The following WDR19 variants were observed in gnomAD, a reference collection of about 807,000 sequenced individuals.
WDR19 encodes the protein WD repeat domain 19, also known as WD repeat-containing protein 19.
Under a neutral mutation model 180.0 loss-of-function variants are expected in WDR19, and 121 were observed. That is an observed-to-expected ratio of 0.67 (90% CI 0.58 to 0.78). The LOEUF is 0.78. Among genes scored for constraint, WDR19 ranks in the 30% least tolerant of loss-of-function variants. The probability of loss-of-function intolerance (pLI) is 0.00; values close to 1 mark genes in which losing one functional copy is unlikely to be tolerated. For missense variants in WDR19, 1,450 were observed against 1,640.7 expected, an observed-to-expected ratio of 0.88 and a Z score of 2.01; for synonymous variants, 497 against 540.7, an observed-to-expected ratio of 0.92 and a Z score of 1.12.
chr4:39,284,862 T>C (rs771730155), intron 36 of WDR19, among the ~76,000 whole-genome samples: 15 of 152,122 alleles, frequency 9.9e-5, no homozygotes, highest in East Asian at 5.8e-4. Context: ...TATGTCTTCA[T>C]TGAGTTATGA....
intron 21 of WDR19, among the ~76,000 whole-genome samples, chr4:39,241,493 C>CAAAAA (rs36076556): frequency 0.039 from 4,649 of 119,262 alleles, 171 homozygotes; most frequent in Middle Eastern, 0.059. Context: ...GACTATATCT[C>CAAAAA]AAAAAAAAAA....
At chr4:39,267,360 G>A (rs1734919910) in intron 29 of WDR19, among the ~76,000 whole-genome samples, 1 of 152,174 alleles carries the variant, frequency 6.6e-6, no homozygotes, top group Non-Finnish European at 1.5e-5. Context: ...TACAGATAAA[G>A]CCACAGAGAC....
At chr4:39,234,906 G>C in intron 20 of WDR19, 31 bp downstream of exon 20, 1 of 1,341,456 alleles carries the variant, frequency 7.5e-7, no homozygotes, top group Non-Finnish European at 1.0e-6. Context: ...ATTTCAGTCA[G>C]TAGCTAATGA....
rs771802300 is a variant in WDR19 at position 39,253,918 on chromosome 4, G to A, written c.2889G>A (p.Gln963=). Residue 963 remains glutamine, a synonymous_variant, in exon 26 of 37, where the codon CAG becomes CAA. Transcript: ENST00000399820. The part of the protein sequence containing the change: ...GAKMVARFFL[Q]LGDYGSAIQF... ...TACTTTGCTTTAGGTTTTTTCTACA[G>A]CTTGGTGACTATGGGTCTGCCATCC... is the stretch of plus-strand genomic sequence containing the variant. The A allele has an allele frequency of 6.2e-7, 1 of 1,602,356 alleles. No homozygotes were observed. The highest frequency in any genetic ancestry group is 8.5e-7 in the Non-Finnish European group (1 of 1,173,588).
Position 39,244,536 on chromosome 4 carries a change from A to C in WDR19, c.2629A>C (p.Ile877Leu), listed in dbSNP as rs2109406828. ...LYYDKAASVY[I>L]RSKNWAKVGD... The stretch of plus-strand genomic sequence containing the variant: ...CTACGATAAAGCAGCATCTGTTTAC[A>C]TCCGCTCTAAGAATTGGTAAGAGCT... Residue 877 changes from isoleucine (I) to leucine (L), a missense_variant, in exon 23 of 37, where the codon ATC becomes CTC. Physicochemically the swap from Ile to Leu is conservative, Grantham distance 5 (BLOSUM62 2). Transcript: ENST00000399820. 8 of 1,614,042 alleles carry C rather than the reference A, an allele frequency of 5.0e-6. No homozygotes were observed. Among genetic ancestry groups the C allele is most frequent in the Non-Finnish European group, 6.8e-6 (8 of 1,179,882 alleles).
chr4:39,232,331 A>T (rs73136739), intron 19 of WDR19, 59 bp downstream of exon 19: 3 of 1,260,056 alleles, frequency 2.4e-6, no homozygotes, highest in South Asian at 1.5e-5. Flanking sequence ...GAAATGGGGG[A>T]AAAAAAAATG....
chr4:39,182,673 G>T (rs1725063007), intron 1 of WDR19, 110 bp downstream of exon 1: 2 of 1,497,530 alleles, frequency 1.3e-6, no homozygotes, highest in South Asian at 1.2e-5. Flanking sequence ...CGTTGGAAAT[G>T]AGGAAGAGAG....
chr4:39,242,957 C>T (rs1337324358), intron 21 of WDR19, among the ~76,000 whole-genome samples: 2 of 151,994 alleles, frequency 1.3e-5, no homozygotes, highest in South Asian at 2.1e-4. Flanking sequence ...CTTGAGCCAC[C>T]GCGCCCGGCC....
At chr4:39,198,233 G>C (rs1186908316) in intron 5 of WDR19, among the ~76,000 whole-genome samples, 2 of 151,858 alleles carry the variant, frequency 1.3e-5, no homozygotes, top group Non-Finnish European at 2.9e-5. Flanking sequence ...TATAAGTAAA[G>C]TTAACTTCAC....
intron 21 of WDR19, among the ~76,000 whole-genome samples, chr4:39,241,493 C>CA (rs36076556): frequency 0.59 from 70,764 of 119,378 alleles, 23,035 homozygotes; most frequent in East Asian, 0.84. Flanking sequence ...GACTATATCT[C>CA]AAAAAAAAAA....
intron 2 of WDR19, among the ~76,000 whole-genome samples, 152 bp from the exon 3 acceptor site, chr4:39,186,387 G>C (rs183051139): frequency 6.6e-6 from 1 of 151,156 alleles, no homozygotes; most frequent in East Asian, 1.9e-4. Context: ...ACTGAGGCAG[G>C]GGAATCGCTT....
chr4:39,191,217 G>A (rs186437468), intron 4 of WDR19, among the ~76,000 whole-genome samples: 2 of 152,152 alleles, frequency 1.3e-5, no homozygotes, highest in African/African-American at 4.8e-5. Context: ...CCCACTGTTT[G>A]TTCTTTATTC....
At chr4:39,282,920 G>A (rs767319142) in intron 36 of WDR19, among the ~76,000 whole-genome samples, 3 of 109,080 alleles carry the variant, frequency 2.8e-5, no homozygotes, top group South Asian at 2.6e-4. Flanking sequence ...GATTTTCTGC[G>A]TAAAGTCATC....
chr4:39,279,303 CCT>C (rs1025371019), intron 36 of WDR19, among the ~76,000 whole-genome samples: 1 of 152,244 alleles, frequency 6.6e-6, no homozygotes, highest in Non-Finnish European at 1.5e-5. Context: ...CCCTCCACAA[CCT>C]CTCTCTGTTT....
At chr4:39,210,020 A>T (rs1728331337) in intron 9 of WDR19, among the ~76,000 whole-genome samples, 1 of 152,224 alleles carries the variant, frequency 6.6e-6, no homozygotes, top group African/African-American at 2.4e-5. Context: ...AATAAAATGG[A>T]ATTAGTGATT....
chr4:39,254,762 C>T (rs1054353107), intron 26 of WDR19, among the ~76,000 whole-genome samples: 4 of 152,094 alleles, frequency 2.6e-5, no homozygotes, highest in Admixed American at 6.6e-5. Flanking sequence ...TCCCTGTACC[C>T]GTTAAATAAT....
intron 24 of WDR19, among the ~76,000 whole-genome samples, chr4:39,250,113 C>T (rs181328184): frequency 2.6e-5 from 4 of 152,000 alleles, no homozygotes; most frequent in Middle Eastern, 3.4e-3. Flanking sequence ...ACTGGCAAAC[C>T]GAATCCAGCA....
chr4:39,185,365 G>A (rs1221621269), intron 1 of WDR19, among the ~76,000 whole-genome samples: 1 of 152,140 alleles, frequency 6.6e-6, no homozygotes, highest in African/African-American at 2.4e-5. Flanking sequence ...AGGAATCCGT[G>A]CCACAGATAA....
chr4:39,268,461 G>A (rs1467200470), intron 30 of WDR19, among the ~76,000 whole-genome samples: 1 of 152,098 alleles, frequency 6.6e-6, no homozygotes, highest in Non-Finnish European at 1.5e-5. Flanking sequence ...GAGACATTAG[G>A]CGATGGAGGG....
Sources: allele counts gnomAD v4.1 joint callset (sites outside exome capture counted in the v4.1 genomes callset), GRCh38; gene constraint gnomAD v4.1.1; transcripts MANE v1.5; gene names NCBI Gene and HGNC (gene_info 2026-07-23, HGNC 2026-07-21).